Variants in FHAD1 observed in about 807,000 individuals in gnomAD.
FHAD1 encodes the protein forkhead-associated domain-containing protein 1.
FHAD1 carries 146 observed loss-of-function variants against 191.3 expected under a neutral mutation model. That is an observed-to-expected ratio of 0.76 (90% CI 0.67 to 0.88). The LOEUF (loss-of-function observed/expected upper bound fraction) is 0.88. Among genes scored for constraint, FHAD1 ranks in the 40% least tolerant of loss-of-function variants. The pLI, the probability that FHAD1 is intolerant of heterozygous loss-of-function variation, is 0.00. For synonymous variants in FHAD1, 616 were observed against 672.3 expected (o/e 0.92, Z 1.29); for missense variants, 1,635 against 1,785.8 (o/e 0.92, Z 1.52).
intron 1 of FHAD1, 114 bp from the exon 2 acceptor site, chr1:15,251,657 A>G (rs1646791218): frequency 1.3e-6 from 1 of 797,140 alleles, no homozygotes; most frequent in African/African-American, 1.7e-5. Flanking sequence ...CCCTCTTCTG[A>G]TTTCTCACTT....
chr1:15,380,201 A>G (rs570299910), intron 28 of FHAD1, among the ~76,000 whole-genome samples: 50 of 152,174 alleles, frequency 3.3e-4, no homozygotes, highest in Non-Finnish European at 5.7e-4. Flanking sequence ...CCCTGCTTCT[A>G]TGGCACTCTC....
rs1454019107 is a variant in FHAD1 at position 15,277,590 on chromosome 1, C to T, written c.300+5061C>T. ...GTCCCGGTCTGGGAGTCTTTCCCAA[C>T]AGCCCAGAGCACCTCGGTCACCTGA... On this transcript the variant is annotated intron_variant, in intron 3 of 33. Transcript: ENST00000688493. Among the ~76,000 whole-genome samples the T allele has an allele frequency of 7.9e-5, 12 of 152,162 alleles. No individual in the cohort carries two copies. The East Asian group carries it at 2.1e-3, about 27-fold the overall frequency.
intron 5 of FHAD1, among the ~76,000 whole-genome samples, chr1:15,299,489 T>G (rs1016121120): frequency 1.3e-5 from 2 of 152,142 alleles, no homozygotes; most frequent in Admixed American, 1.3e-4. Context: ...CTCTTTTAAG[T>G]AATACATGAA....
intron 14 of FHAD1, among the ~76,000 whole-genome samples, chr1:15,332,363 T>C (rs2101920241): frequency 6.6e-6 from 1 of 152,268 alleles, no homozygotes; most frequent in East Asian, 1.9e-4. Context: ...CCAAGACCAT[T>C]TTAGTCATCT....
intron 2 of FHAD1, among the ~76,000 whole-genome samples, chr1:15,264,709 T>A (rs886949546): frequency 2.6e-5 from 4 of 152,188 alleles, no homozygotes; most frequent in African/African-American, 9.7e-5. Context: ...CCAGTACTAT[T>A]TCAAATAGAA....
intron 5 of FHAD1, among the ~76,000 whole-genome samples, chr1:15,299,999 G>A (rs1394507395): frequency 2.0e-5 from 3 of 152,200 alleles, no homozygotes; most frequent in Non-Finnish European, 4.4e-5. Context: ...CAGGCAATGA[G>A]CTGGCCTAGA....
intron 3 of FHAD1, among the ~76,000 whole-genome samples, chr1:15,277,690 T>G (rs1242675465): frequency 6.6e-6 from 1 of 152,134 alleles, no homozygotes; most frequent in Non-Finnish European, 1.5e-5. Context: ...ATATATCGTG[T>G]GGGTAGAAAT....
chr1:15,397,356 G>A lies in FHAD1; in HGVS notation c.4383G>A (p.Glu1461=), dbSNP rs1706363208. The part of the protein sequence containing the change: ...MDQEREMLRK[E]TSSKSSQSLL... ...AAGAAAGAGAGATGCTGAGGAAAGA[G>A]ACCTCCAGCAAGTCCAGCCAGAGCC... The change falls in exon 34 of 34, where the codon GAG becomes GAA. Residue 1461 remains glutamate, a synonymous_variant. Transcript: ENST00000688493. 1 of 1,547,268 alleles carries A rather than the reference G, an allele frequency of 6.5e-7. No individual in the cohort carries two copies. Among genetic ancestry groups the A allele is most frequent in the Non-Finnish European group, 8.7e-7 (1 of 1,143,998 alleles).
intron 10 of FHAD1, 62 bp from the exon 11 acceptor site, chr1:15,324,390 A>G: frequency 7.7e-7 from 1 of 1,291,054 alleles, no homozygotes; most frequent in Non-Finnish European, 1.1e-6. Flanking sequence ...TCCTAGAGGA[A>G]TCTCCCCAGA....
intron 32 of FHAD1, among the ~76,000 whole-genome samples, chr1:15,388,895 C>T (rs1399606031): frequency 6.6e-6 from 1 of 152,202 alleles, no homozygotes; most frequent in Non-Finnish European, 1.5e-5. Context: ...TGGCTGAGAA[C>T]AGCTCTTGAG....
In FHAD1 at chr1:15,271,138, CGGAA is replaced by C. The variant is rs1189521535; in HGVS notation, c.94-1184_94-1181del. ...TGGGCAACAGAGCGAGACTCCATCTCGGAAAAAAAAAAAAAAAAAAAAAAATTAG... is the reference window on the plus strand; with the variant it reads ...TGGGCAACAGAGCGAGACTCCATCTCAAAAAAAAAAAAAAAAAAAAATTAG... On this transcript the variant is annotated intron_variant, in intron 2 of 33. Coordinates refer to ENST00000688493, the MANE Select transcript of FHAD1 (RefSeq NM_001391957.1). Among the ~76,000 whole-genome samples, 90 of 67,574 alleles carry C rather than the reference CGGAA, an allele frequency of 1.3e-3. 3 individuals are homozygous for C. The South Asian group carries it at 0.025, about 19-fold the overall frequency. The allele number at this position is 67,574 out of a possible 152,430, so 44.3% of individuals were successfully genotyped here.
rs554987126 is a variant in FHAD1, at chr1:15,311,498, G to A, written c.1040-1559G>A. On this transcript the variant is annotated intron_variant, in intron 7 of 33. Transcript: ENST00000688493. The surrounding 1 kb of genome is among the most constrained non-coding windows in gnomAD (Gnocchi z 4.1). Reference sequence around the variant, plus strand: ...CTAGAGAAAAGGTCACTCTGGTCCCGCCTCACAAAGCATGCAGGCAAGCCC... The same window carrying A: ...CTAGAGAAAAGGTCACTCTGGTCCCACCTCACAAAGCATGCAGGCAAGCCC... 3.3e-5 allele frequency among the ~76,000 whole-genome samples: 5 copies of A among 152,224 alleles called. No individual in the cohort carries two copies. Among genetic ancestry groups the A allele is most frequent in the African/African-American group, 1.2e-4 (5 of 41,536 alleles).
At position 15,327,716 on chromosome 1, in the gene FHAD1, A is replaced by G. The variant is rs1679321009; in HGVS notation, c.1558-561A>G. On this transcript the variant is annotated intron_variant, in intron 12 of 33. Coordinates refer to ENST00000688493, the MANE Select transcript of FHAD1 (RefSeq NM_001391957.1). The surrounding 1 kb of genome is among the most constrained non-coding windows in gnomAD (Gnocchi z 5.1). ...AATCTGGAACAAACTCAGGGCCACAAGACAGGCCTTTGGATCATAAAAATA... is the reference window on the plus strand; with the variant it reads ...AATCTGGAACAAACTCAGGGCCACAGGACAGGCCTTTGGATCATAAAAATA... The G allele has an allele frequency of 6.6e-6, 1 of 152,576 alleles. No homozygotes were observed. The highest frequency in any genetic ancestry group is 1.5e-5 in the Non-Finnish European group (1 of 68,366). The allele number at this position is 152,576 out of a possible 1,614,324, so 9.5% of individuals were successfully genotyped here. A position where few individuals can be genotyped will look rare whatever the true frequency, so the allele number is the denominator to read the frequency against.
intron 6 of FHAD1, among the ~76,000 whole-genome samples, chr1:15,304,555 A>G (rs1391717316): frequency 6.6e-6 from 1 of 152,214 alleles, no homozygotes; most frequent in East Asian, 1.9e-4. Context: ...AAACAAAAGC[A>G]TTAAGCTGAG....
chr1:15,271,620 C>CGCATGGGAAATAACTATTT (rs147559865), intron 2 of FHAD1, among the ~76,000 whole-genome samples: 7 of 151,692 alleles, frequency 4.6e-5, no homozygotes, highest in Admixed American at 4.6e-4. Context: ...AATAACTAAT[C>CGCATGGGAAATAACTATTT]GCATGGGAAA....
At chr1:15,246,078 T>TA (rs1245651211), upstream of FHAD1, among the ~76,000 whole-genome samples, 1 of 152,160 alleles carries the variant, frequency 6.6e-6, no homozygotes, top group African/African-American at 2.4e-5. Context: ...TCAGGAAACT[T>TA]ACAGTTATGG....
intron 4 of FHAD1, among the ~76,000 whole-genome samples, chr1:15,291,457 A>G (rs533923924): frequency 2.0e-5 from 3 of 152,334 alleles, no homozygotes; most frequent in South Asian, 2.1e-4. Flanking sequence ...AATTTTAGAT[A>G]CATTTTAAAA....
chr1:15,358,269 A>G lies in FHAD1; in HGVS notation c.2722A>G (p.Thr908Ala), dbSNP rs1187989713. The stretch of plus-strand genomic sequence containing the variant: ...TGAAACATTAGCCGAACTGGAAACT[A>G]CCAAGACAAAAATGGTAAGTCGGTG... ...LNETLAELET[T>A]KTKMIMVEER... Residue 908 changes from threonine to alanine, a missense_variant, in exon 21 of 34, where the codon ACC (threonine) becomes GCC (alanine). Coordinates refer to ENST00000688493, the MANE Select transcript of FHAD1 (RefSeq NM_001391957.1). 101 of 1,528,846 alleles carry G rather than the reference A, an allele frequency of 6.6e-5. No homozygotes were observed. The highest frequency in any genetic ancestry group is 8.5e-5 in the Non-Finnish European group (97 of 1,142,024). 94.7% of individuals were successfully genotyped at this position (1,528,846 alleles called of 1,614,324 possible).
At position 15,272,510 on chromosome 1, in the gene FHAD1, T is replaced by C. The variant is rs1226036350; in HGVS notation, c.281T>C (p.Val94Ala). 1 of 1,546,022 alleles carries C rather than the reference T, an allele frequency of 6.5e-7. No homozygotes were observed. The highest frequency in any genetic ancestry group is 2.5e-5 in the East Asian group (1 of 40,768). Reference sequence around the variant, plus strand: ...TCTGCAGGGCTGACCTATGAACTGGTCATTGAAAATCCACCTCCGGTGAGT... The same window carrying C: ...TCTGCAGGGCTGACCTATGAACTGGCCATTGAAAATCCACCTCCGGTGAGT... ...FGSAGLTYEL[V>A]IENPPPVSFP... Residue 94 changes from valine to alanine, a missense_variant, in exon 3 of 34, where the codon GTC becomes GCC. Physicochemically the swap from Val to Ala is moderately conservative, Grantham distance 64. Transcript: ENST00000688493.
Sources: allele counts gnomAD v4.1 joint callset (sites outside exome capture counted in the v4.1 genomes callset), GRCh38; gene constraint gnomAD v4.1.1; non-coding constraint Gnocchi (gnomAD v3.1); transcripts MANE v1.5; gene names NCBI Gene and HGNC (gene_info 2026-07-23, HGNC 2026-07-21).